Variants in FSHR observed in about 807,000 individuals in gnomAD.
FSHR encodes the protein follicle stimulating hormone receptor.
Under a neutral mutation model 52.1 loss-of-function variants are expected in FSHR, and 46 were observed. That is an observed-to-expected ratio of 0.88 (90% CI 0.70 to 1.13). The LOEUF (loss-of-function observed/expected upper bound fraction) is 1.13. Ranked by LOEUF, FSHR falls within the 50% of genes most tolerant of loss-of-function variation. FSHR has a pLI of 0.00. For synonymous variants in FSHR, 399 were observed against 309.6 expected (o/e 1.29, Z -3.03); for missense variants, 964 against 834.6 (o/e 1.16, Z -1.91).
chr2:49,108,753 A>G (rs937112800), intron 1 of FSHR, among the ~76,000 whole-genome samples: 1 of 152,200 alleles, frequency 6.6e-6, no homozygotes, highest in Non-Finnish European at 1.5e-5. Context: ...GGAGGGGTGA[A>G]TTGTGGCCTG....
At chr2:48,968,920 T>C (rs1217133040) in intron 8 of FSHR, 37 bp from the exon 9 acceptor site, 3 of 1,594,024 alleles carry the variant, frequency 1.9e-6, no homozygotes, top group Middle Eastern at 2.1e-4. Context: ...AGGATTACTA[T>C]GGACCTAAAA....
intron 1 of FSHR, among the ~76,000 whole-genome samples, chr2:49,082,105 A>T (rs546002311): frequency 3.3e-5 from 5 of 152,248 alleles, no homozygotes; most frequent in African/African-American, 1.2e-4. Flanking sequence ...CTGCATTTCC[A>T]TCTGAGCTTT....
chr2:49,011,041 T>C (rs2104184587), intron 4 of FSHR, among the ~76,000 whole-genome samples: 1 of 151,440 alleles, frequency 6.6e-6, no homozygotes, highest in East Asian at 1.9e-4. Flanking sequence ...AGTTCTGCTC[T>C]GATTTTAGTT....
chr2:48,990,079 G>A (rs1675699533), intron 5 of FSHR, among the ~76,000 whole-genome samples: 1 of 152,056 alleles, frequency 6.6e-6, no homozygotes, highest in South Asian at 2.1e-4. Context: ...GGGAATAGTT[G>A]CCATTATATG....
At chr2:49,144,029 T>A (rs1409419854) in intron 1 of FSHR, among the ~76,000 whole-genome samples, 1 of 152,080 alleles carries the variant, frequency 6.6e-6, no homozygotes, top group Non-Finnish European at 1.5e-5. Flanking sequence ...CCCCAAAGAA[T>A]TATTCTTTAG....
intron 1 of FSHR, among the ~76,000 whole-genome samples, chr2:49,122,389 A>G (rs1671849790): frequency 1.3e-5 from 2 of 152,200 alleles, no homozygotes; most frequent in South Asian, 4.1e-4. Context: ...CAAGCTTATG[A>G]AACAGTGAAC....
chr2:49,132,206 G>T (rs1672302669), intron 1 of FSHR, among the ~76,000 whole-genome samples: 2 of 152,124 alleles, frequency 1.3e-5, no homozygotes, highest in Non-Finnish European at 2.9e-5. Flanking sequence ...GTGATTTGCT[G>T]TGAAGATGCT....
intron 1 of FSHR, among the ~76,000 whole-genome samples, chr2:49,112,199 G>A (rs1027976220): frequency 6.6e-6 from 1 of 152,072 alleles, no homozygotes; most frequent in South Asian, 2.1e-4. Context: ...TCACAAAACT[G>A]CAACTAGGTG....
chr2:49,063,747 C>T (rs1260242918), intron 2 of FSHR, among the ~76,000 whole-genome samples: 1 of 152,104 alleles, frequency 6.6e-6, no homozygotes, highest in East Asian at 1.9e-4. Flanking sequence ...ATAAGTTCTA[C>T]TGTTCTATAG....
chr2:49,106,419 GA>G (rs1318133387), intron 1 of FSHR, among the ~76,000 whole-genome samples: 2 of 152,126 alleles, frequency 1.3e-5, no homozygotes, highest in Non-Finnish European at 2.9e-5. Flanking sequence ...GTGCATGGGG[GA>G]AGGCAATGAT....
chr2:49,114,995 G>A (rs1039146278), intron 1 of FSHR, among the ~76,000 whole-genome samples: 7 of 151,660 alleles, frequency 4.6e-5, no homozygotes, highest in African/African-American at 1.7e-4. Flanking sequence ...TGGTTGAAAA[G>A]TTTGTTTGGC....
chr2:48,963,512 G>T lies in FSHR; in HGVS notation c.1309C>A (p.Gln437Lys), dbSNP rs766817393. ...GCAGCATCACAGCCTGCCCCAGTTT[G>T]CCAGTCAATGGCATAGTTGTGATAT... The part of the protein sequence containing the change: ...SQYHNYAIDW[Q>K]TGAGCDAAGF... Residue 437 changes from glutamine to lysine, a missense_variant, in exon 10 of 10, where the codon CAA becomes AAA. Transcript: ENST00000406846. 6.2e-7 allele frequency: 1 copy of T among 1,614,204 alleles called. No individual in the cohort carries two copies. Among genetic ancestry groups the T allele is most frequent in the Admixed American group, 1.7e-5 (1 of 60,028 alleles).
intron 2 of FSHR, among the ~76,000 whole-genome samples, chr2:49,040,263 G>A (rs1459506059): frequency 3.3e-5 from 5 of 152,132 alleles, no homozygotes; most frequent in East Asian, 1.9e-4. Flanking sequence ...ATTGTGAGAT[G>A]GTTAGACCAG....
At position 48,962,532 on chromosome 2, in the gene FSHR, A is replaced by G; in HGVS notation, c.*201T>C. The G allele has an allele frequency of 3.3e-6, 2 of 598,960 alleles. No individual in the cohort carries two copies. The highest frequency in any genetic ancestry group is 5.9e-6 in the Non-Finnish European group (2 of 339,562). 37.1% of individuals were successfully genotyped at this position (598,960 alleles called of 1,614,324 possible). On this transcript the variant is annotated 3_prime_UTR_variant, in exon 10 of 10. Coordinates refer to ENST00000406846, the MANE Select transcript of FSHR (RefSeq NM_000145.4). ...ATGTAATACAGTATTGCATTCTTTA[A>G]TTATTATTGTTGTTACTAATAATTC...
At chr2:49,089,114 T>C (rs1670504923) in intron 1 of FSHR, among the ~76,000 whole-genome samples, 1 of 151,382 alleles carries the variant, frequency 6.6e-6, no homozygotes, top group South Asian at 2.1e-4. Context: ...TAATATAATA[T>C]TTATTTATAT....
chr2:48,998,548 T>G (rs550109448), intron 4 of FSHR, among the ~76,000 whole-genome samples: 1 of 152,170 alleles, frequency 6.6e-6, no homozygotes, highest in East Asian at 1.9e-4. Context: ...TTTTCCCTGA[T>G]GTCAGCCAGA....
intron 3 of FSHR, among the ~76,000 whole-genome samples, chr2:49,018,621 A>T (rs552560782): frequency 6.6e-6 from 1 of 152,268 alleles, no homozygotes; most frequent in East Asian, 1.9e-4. Context: ...TTTCTCTGAT[A>T]ATGTCTGTGG....
In FSHR at chr2:48,983,160, C is replaced by T; in HGVS notation, c.531G>A (p.Leu177=). 6.2e-7 allele frequency: 1 copy of T among 1,613,950 alleles called. No homozygotes were observed. The highest frequency in any genetic ancestry group is 8.5e-7 in the Non-Finnish European group (1 of 1,179,924). Residue 177 remains leucine (L), a synonymous_variant, in exon 7 of 10, where the codon CTG becomes CTA. Transcript: ENST00000406846. The part of the protein sequence containing the change: ...GLSFESVILW[L]NKNGIQEIHN... ...GTATTTCTTGAATCCCATTCTTATT[C>T]AGCCATCTGAAATAAAAGGCCTATT... is the stretch of plus-strand genomic sequence containing the variant.
chr2:49,025,337 G>A (rs1335601132), intron 2 of FSHR, among the ~76,000 whole-genome samples: 1 of 152,188 alleles, frequency 6.6e-6, no homozygotes, highest in Non-Finnish European at 1.5e-5. Context: ...CTAACTCAGT[G>A]AGAGTAGTAT....
Sources: gnomAD v4.1 joint callset for allele counts (sites outside exome capture counted in the v4.1 genomes callset) on GRCh38, gnomAD v4.1.1 for gene constraint, MANE v1.5 for transcripts, NCBI Gene and HGNC (gene_info 2026-07-23, HGNC 2026-07-21) for gene names.